The following CSMD1 variants were observed in gnomAD, a reference collection of about 807,000 sequenced individuals.
CSMD1 encodes CUB and Sushi multiple domains 1.
In CSMD1, 213 loss-of-function variants were observed where a neutral mutation model predicts 417.5. The ratio of observed to expected loss-of-function variants is 0.51; its 90% confidence interval spans 0.46 to 0.57. The LOEUF is 0.57. Among genes scored for constraint, CSMD1 ranks in the 20% least tolerant of loss-of-function variants. The pLI, the probability that CSMD1 is intolerant of heterozygous loss-of-function variation, is 0.00. For synonymous variants in CSMD1, 2,862 were observed against 1,736.8 expected (o/e 1.65, Z -16.11); for missense variants, 6,923 against 4,529.7 (o/e 1.53, Z -15.17).
At chr8:3,352,961 G>C (rs1157531313) in intron 21 of CSMD1, among the ~76,000 whole-genome samples, 1 of 152,192 alleles carries the variant, frequency 6.6e-6, no homozygotes, top group African/African-American at 2.4e-5. Context: ...CCATGTTACA[G>C]ATGAGAAAAC....
intron 1 of CSMD1, among the ~76,000 whole-genome samples, chr8:4,823,411 A>C (rs1279838236): frequency 6.6e-6 from 1 of 152,098 alleles, no homozygotes; most frequent in Non-Finnish European, 1.5e-5. Context: ...AACTTTTCTT[A>C]CTTTTCAGCT....
chr8:4,493,919 C>A (rs1049173788), intron 2 of CSMD1, among the ~76,000 whole-genome samples: 1 of 152,128 alleles, frequency 6.6e-6, no homozygotes, highest in African/African-American at 2.4e-5. Flanking sequence ...ACACTAACAA[C>A]TGACTTGAAT....
intron 3 of CSMD1, among the ~76,000 whole-genome samples, chr8:4,216,528 G>C (rs897394258): frequency 2.6e-5 from 4 of 152,300 alleles, no homozygotes; most frequent in Non-Finnish European, 4.4e-5. Flanking sequence ...ACGGGACTAA[G>C]AATTCTCAAG....
chr8:3,399,090 G>A (rs1036528001), intron 16 of CSMD1, among the ~76,000 whole-genome samples: 1 of 152,078 alleles, frequency 6.6e-6, no homozygotes, highest in Non-Finnish European at 1.5e-5. Context: ...CAGACATCAA[G>A]CTGAATTGAT....
chr8:3,081,163 A>T (rs1453746813), intron 49 of CSMD1, among the ~76,000 whole-genome samples: 2 of 152,234 alleles, frequency 1.3e-5, no homozygotes, highest in Non-Finnish European at 2.9e-5. Context: ...CTAAAAGAGA[A>T]TGAGCTCAAC....
At chr8:4,264,908 G>C (rs1804144493) in intron 3 of CSMD1, among the ~76,000 whole-genome samples, 1 of 152,154 alleles carries the variant, frequency 6.6e-6, no homozygotes, top group Non-Finnish European at 1.5e-5. Flanking sequence ...TAGGAATTGG[G>C]TTTAAGTCCC....
chr8:4,855,470 T>A (rs1356035294), intron 1 of CSMD1, among the ~76,000 whole-genome samples: 1 of 152,122 alleles, frequency 6.6e-6, no homozygotes, highest in East Asian at 1.9e-4. Context: ...TACTCTCAGC[T>A]ACGGGAGGAC....
intron 5 of CSMD1, among the ~76,000 whole-genome samples, chr8:3,834,032 C>A (rs1177413791): frequency 1.3e-5 from 2 of 152,120 alleles, no homozygotes; most frequent in East Asian, 3.8e-4. Flanking sequence ...TAACTCTTGA[C>A]ACGGTCACTA....
intron 10 of CSMD1, among the ~76,000 whole-genome samples, chr8:3,562,734 T>G (rs759810669): frequency 7.9e-5 from 12 of 151,018 alleles, no homozygotes; most frequent in Non-Finnish European, 1.8e-4. Flanking sequence ...AAACAACTGA[T>G]TGGTTAAAAA....
chr8:3,481,124 C>G (rs1170271622), intron 11 of CSMD1, among the ~76,000 whole-genome samples: 1 of 132,628 alleles, frequency 7.5e-6, no homozygotes, highest in African/African-American at 2.9e-5. Context: ...CACTGCACTC[C>G]AGCCTGGGCA....
chr8:3,810,464 C>T (rs569997825), intron 5 of CSMD1, among the ~76,000 whole-genome samples: 1 of 152,098 alleles, frequency 6.6e-6, no homozygotes, highest in Non-Finnish European at 1.5e-5. Context: ...CCTGGGCACA[C>T]TGCAGACTCT....
intron 10 of CSMD1, among the ~76,000 whole-genome samples, chr8:3,535,169 G>T (rs1218313611): frequency 2.6e-5 from 4 of 151,760 alleles, no homozygotes. Context: ...GCCCATGCTG[G>T]TCTCAAACTC....
Position 3,172,937 on chromosome 8 carries a change from G to A in CSMD1, c.5725+8173C>T, listed in dbSNP as rs566355019. Among the ~76,000 whole-genome samples, 229 of 152,276 alleles carry A rather than the reference G, an allele frequency of 1.5e-3. 7 individuals are homozygous for A. The highest frequency in any genetic ancestry group is 2.1e-4 in the South Asian group (1 of 4,822). On this transcript the variant is annotated intron_variant, in intron 37 of 69. Transcript: ENST00000635120. Reference sequence around the variant, plus strand: ...GGAGGTCAGCTTGGAAGTACGTGACGTTACTGATAGGACCTACCACTGAAA... The same window carrying A: ...GGAGGTCAGCTTGGAAGTACGTGACATTACTGATAGGACCTACCACTGAAA...
intron 49 of CSMD1, among the ~76,000 whole-genome samples, chr8:3,056,639 G>A (rs1480490540): frequency 6.6e-6 from 1 of 151,946 alleles, no homozygotes; most frequent in Non-Finnish European, 1.5e-5. Context: ...CAAAGTGCTG[G>A]GATTACAAGC....
At chr8:4,354,480 G>C (rs1028978125) in intron 3 of CSMD1, among the ~76,000 whole-genome samples, 2 of 152,130 alleles carry the variant, frequency 1.3e-5, no homozygotes, top group Non-Finnish European at 2.9e-5. Flanking sequence ...ACATGGGGTG[G>C]AATGTCAGAG....
chr8:4,000,202 T>C (rs1420137899), intron 4 of CSMD1, among the ~76,000 whole-genome samples: 2 of 146,834 alleles, frequency 1.4e-5, no homozygotes, highest in East Asian at 2.0e-4. Context: ...TTTTATTACA[T>C]TCTTGGGAAC....
At chr8:3,576,586 T>C (rs947441081) in intron 9 of CSMD1, among the ~76,000 whole-genome samples, 2 of 152,230 alleles carry the variant, frequency 1.3e-5, no homozygotes, top group Non-Finnish European at 2.9e-5. Flanking sequence ...AATTAACTTT[T>C]AAAATGCTGG....
At chr8:3,887,406 T>C in intron 5 of CSMD1, among the ~76,000 whole-genome samples, 1 of 152,184 alleles carries the variant, frequency 6.6e-6, no homozygotes, top group East Asian at 1.9e-4. Flanking sequence ...TACCTTCTAC[T>C]CTGTCTGAAA....
chr8:4,961,048 C>T (rs368237343), intron 1 of CSMD1, among the ~76,000 whole-genome samples: 8 of 151,998 alleles, frequency 5.3e-5, no homozygotes, highest in African/African-American at 1.9e-4. Context: ...TCTCACCCTA[C>T]GAAATAGTCA....
Sources: gnomAD v4.1 joint callset for allele counts (sites outside exome capture counted in the v4.1 genomes callset) on GRCh38, gnomAD v4.1.1 for gene constraint, MANE v1.5 for transcripts, NCBI Gene and HGNC (gene_info 2026-07-23, HGNC 2026-07-21) for gene names.